Variants in UPF2 observed in about 807,000 individuals in gnomAD.
The protein encoded by UPF2 is regulator of nonsense transcripts 2.
UPF2 carries 17 observed loss-of-function variants against 141.4 expected under a neutral mutation model. That is an observed-to-expected ratio of 0.12 (90% CI 0.08 to 0.18). The LOEUF (loss-of-function observed/expected upper bound fraction) is 0.18, where lower values mean the gene tolerates loss of function less well. Ranked by LOEUF, UPF2 falls within the 10% of genes least tolerant of loss-of-function variation. UPF2 has a pLI of 1.00. For missense variants in UPF2, 1,152 were observed against 1,515.9 expected, an observed-to-expected ratio of 0.76 and a Z score of 3.99; for synonymous variants, 540 against 498.0, an observed-to-expected ratio of 1.08 and a Z score of -1.12.
intron 8 of UPF2, among the ~76,000 whole-genome samples, chr10:11,989,481 G>A (rs1184224403): frequency 6.6e-6 from 1 of 152,074 alleles, no homozygotes; most frequent in African/African-American, 2.4e-5. Context: ...GAAATGTAAA[G>A]AGTAACAGTC....
intron 4 of UPF2, among the ~76,000 whole-genome samples, chr10:12,008,067 G>C (rs1351827723): frequency 6.6e-6 from 1 of 151,620 alleles, no homozygotes; most frequent in Non-Finnish European, 1.5e-5. Context: ...ATTTTTTGTA[G>C]GGATGGGGTT....
At chr10:12,036,122 A>G (rs1028072253) in intron 1 of UPF2, among the ~76,000 whole-genome samples, 4 of 152,218 alleles carry the variant, frequency 2.6e-5, no homozygotes, top group South Asian at 2.1e-4. Context: ...GTTCTGTGCT[A>G]TATCTGTCAA....
intron 3 of UPF2, among the ~76,000 whole-genome samples, chr10:12,022,164 C>G (rs1834329483): frequency 1.3e-5 from 2 of 150,608 alleles, no homozygotes; most frequent in African/African-American, 4.9e-5. Context: ...GTAATCCTAC[C>G]ACTTTGGGAG....
chr10:11,958,490 C>A (rs1360607965), intron 12 of UPF2, among the ~76,000 whole-genome samples: 1 of 152,202 alleles, frequency 6.6e-6, no homozygotes, highest in African/African-American at 2.4e-5. Context: ...GAAACAACTA[C>A]TGCCTCTGAC....
At chr10:12,024,849 C>CT (rs574307863) in intron 3 of UPF2, among the ~76,000 whole-genome samples, 273 of 141,002 alleles carry the variant, frequency 1.9e-3, no homozygotes, top group African/African-American at 6.7e-3. Context: ...GGGAAGATCC[C>CT]TTAAGCCCCA....
intron 2 of UPF2, among the ~76,000 whole-genome samples, chr10:12,033,254 G>A (rs886974093): frequency 3.3e-5 from 5 of 152,114 alleles, no homozygotes; most frequent in African/African-American, 1.2e-4. Context: ...CGATTTTTTA[G>A]GCCAGGCATG....
At chr10:12,002,336 T>C (rs146326186) in intron 5 of UPF2, among the ~76,000 whole-genome samples, 1 of 152,288 alleles carries the variant, frequency 6.6e-6, no homozygotes, top group African/African-American at 2.4e-5. Context: ...ATGTATACCA[T>C]TTGTTAACTG....
intron 21 of UPF2, 118 bp downstream of exon 21, chr10:11,929,747 C>G (rs1323834948): frequency 1.4e-6 from 2 of 1,424,098 alleles, no homozygotes; most frequent in Admixed American, 2.3e-5. Context: ...ATATCAAAGA[C>G]TTTTCTATTT....
rs1264275023 is a variant in UPF2 at position 11,956,765 on chromosome 10, A to G, written c.2371-242T>C. Reference sequence around the variant, plus strand: ...ATTTTCTAGAGTTTTCAGGTCTTCAATCTAGGTGACTGTTCTCAGGTCATT... The same window carrying G: ...ATTTTCTAGAGTTTTCAGGTCTTCAGTCTAGGTGACTGTTCTCAGGTCATT... On this transcript the variant is annotated intron_variant, in intron 12 of 21. Transcript: ENST00000357604. The surrounding 1 kb of genome is among the most constrained non-coding windows in gnomAD (Gnocchi z 4.2). 6.6e-6 allele frequency among the ~76,000 whole-genome samples: 1 copy of G among 152,178 alleles called. No homozygotes were observed. Among genetic ancestry groups the G allele is most frequent in the Non-Finnish European group, 1.5e-5 (1 of 68,036 alleles).
chr10:12,020,400 C>T (rs1000589842), intron 3 of UPF2, among the ~76,000 whole-genome samples: 2 of 152,034 alleles, frequency 1.3e-5, no homozygotes, highest in African/African-American at 4.8e-5. Context: ...TACAGGCATG[C>T]GCCACTACGC....
rs112402179 is a variant in UPF2 at position 12,022,410 on chromosome 10, CAAAAAAA to C, written c.1145+6328_1145+6334del. Among the ~76,000 whole-genome samples, 318 of 75,058 alleles carry C rather than the reference CAAAAAAA, an allele frequency of 4.2e-3. 1 individual carries two copies. Among genetic ancestry groups the C allele is most frequent in the African/African-American group, 0.012 (284 of 24,044 alleles). 49.2% of individuals were successfully genotyped at this position (75,058 alleles called of 152,430 possible). A position where few individuals can be genotyped will look rare whatever the true frequency, so the allele number is the denominator to read the frequency against. On this transcript the variant is annotated intron_variant, in intron 3 of 21. Coordinates refer to ENST00000357604, the MANE Select transcript of UPF2 (RefSeq NM_015542.4). ...CTGGAAACAGAGGGAGACTCCGTCTCAAAAAAAAAAAAAAGAAAAAAATTATCTTAGA... is the reference window on the plus strand; with the variant it reads ...CTGGAAACAGAGGGAGACTCCGTCTCAAAAAAAGAAAAAAATTATCTTAGA...
At chr10:12,010,501 G>C (rs1477569103) in intron 4 of UPF2, among the ~76,000 whole-genome samples, 1 of 152,090 alleles carries the variant, frequency 6.6e-6, no homozygotes, top group Non-Finnish European at 1.5e-5. Flanking sequence ...AAAGATTAGT[G>C]AACTTGAAGA....
intron 9 of UPF2, among the ~76,000 whole-genome samples, chr10:11,975,226 A>G (rs965653837): frequency 6.6e-6 from 1 of 152,122 alleles, no homozygotes; most frequent in Non-Finnish European, 1.5e-5. Context: ...ATGCCACTGC[A>G]CTCCACCTTG....
At chr10:11,944,260 G>A (rs921195834) in intron 16 of UPF2, among the ~76,000 whole-genome samples, 4 of 152,152 alleles carry the variant, frequency 2.6e-5, no homozygotes, top group African/African-American at 9.7e-5. Flanking sequence ...ACTTTGGAAG[G>A]CTGAGGTCAG....
At position 11,956,177 on chromosome 10, in the gene UPF2, C is replaced by T. The variant is rs1236647418; in HGVS notation, c.2574+143G>A. 6.5e-6 allele frequency: 5 copies of T among 768,256 alleles called. No homozygotes were observed. The Admixed American group carries it at 1.1e-4, about 18-fold the overall frequency. 47.6% of individuals were successfully genotyped at this position (768,256 alleles called of 1,614,324 possible). ...AAAAAAAAAAAGAGGAAAGTGTTTA[C>T]AGGAAATTCTTATAAAATGATTATC... On this transcript the variant is annotated intron_variant, in intron 13 of 21. Coordinates refer to ENST00000357604, the MANE Select transcript of UPF2 (RefSeq NM_015542.4). This position sits in a 1 kb window ranked among gnomAD's most constrained non-coding sequence, Gnocchi z 4.2.
At chr10:11,963,983 T>C (rs1298077637) in intron 11 of UPF2, 26 bp downstream of exon 11, 9 of 1,541,910 alleles carry the variant, frequency 5.8e-6, no homozygotes, top group Non-Finnish European at 8.0e-6. Context: ...AACCTCTAGC[T>C]CTTACCAGCA....
chr10:11,962,117 A>AATCC (rs1396404194), intron 11 of UPF2, among the ~76,000 whole-genome samples: 2 of 152,206 alleles, frequency 1.3e-5, no homozygotes, highest in African/African-American at 2.4e-5. Context: ...GTACACAGAT[A>AATCC]ATCCAGCTTT....
chr10:11,958,025 G>T (rs1055906933), intron 12 of UPF2, among the ~76,000 whole-genome samples: 3 of 152,056 alleles, frequency 2.0e-5, no homozygotes, highest in African/African-American at 7.2e-5. Flanking sequence ...AAAAATATGT[G>T]AAGTACATAG....
intron 2 of UPF2, 97 bp from the exon 3 acceptor site, chr10:12,029,621 T>G: frequency 7.7e-7 from 1 of 1,303,482 alleles, no homozygotes; most frequent in Non-Finnish European, 1.0e-6. Flanking sequence ...AAAAATTATC[T>G]AAGTATAACA....
Sources: allele counts gnomAD v4.1 joint callset (sites outside exome capture counted in the v4.1 genomes callset), GRCh38; gene constraint gnomAD v4.1.1; non-coding constraint Gnocchi (gnomAD v3.1); transcripts MANE v1.5; gene names NCBI Gene and HGNC (gene_info 2026-07-23, HGNC 2026-07-21).